The following WDR87 variants were observed in gnomAD, a reference collection of about 807,000 sequenced individuals.
WDR87 encodes WD repeat-containing protein 87.
WDR87 carries 56 observed loss-of-function variants against 83.3 expected under a neutral mutation model. The ratio of observed to expected loss-of-function variants is 0.67; its 90% confidence interval spans 0.54 to 0.84. WDR87 has a LOEUF of 0.84. WDR87 is among the 40% of genes least tolerant of loss of function. WDR87 has a pLI of 0.00. For missense variants in WDR87, 2,939 were observed against 3,431.9 expected, an observed-to-expected ratio of 0.86 and a Z score of 3.59; for synonymous variants, 1,173 against 1,250.6, an observed-to-expected ratio of 0.94 and a Z score of 1.31.
chr19:37,894,315 GC>G lies in WDR87; in HGVS notation c.1387del (p.Ala463LeufsTer11). 6.4e-7 allele frequency: 1 copy of G among 1,551,736 alleles called. No individual in the cohort carries two copies. Among genetic ancestry groups the G allele is most frequent in the Non-Finnish European group, 8.7e-7 (1 of 1,147,012 alleles). On this transcript the variant is annotated frameshift_variant, in exon 4 of 6. Transcript: ENST00000447313. LOFTEE classifies it high-confidence loss of function. Reference protein sequence around the residue: ...PNSQDFVQCLAYGHFNLGRGL... With the variant: ...PNSQDFVQCLXYGHFNLGRGL... ...CCGCCCCAAGTTGAAATGCCCATAA[GC>G]CAGGCATTGTACAAAGTCCTGAGAA...
In WDR87 at chr19:37,886,738, C is replaced by T; in HGVS notation, c.6933G>A (p.Glu2311=). The T allele has an allele frequency of 2.8e-6, 4 of 1,453,242 alleles. No homozygotes were observed. The highest frequency in any genetic ancestry group is 1.3e-5 in the South Asian group (1 of 76,174). The allele number at this position is 1,453,242 out of a possible 1,614,324, so 90.0% of individuals were successfully genotyped here. The change falls in exon 6 of 6, where the codon GAG becomes GAA. Residue 2311 remains glutamate, a synonymous_variant. Coordinates refer to ENST00000447313, the MANE Select transcript of WDR87 (RefSeq NM_001291088.2). ...EREEEEERKE[E]EEGEEKQVEK... is the part of the protein sequence containing the mutation. ...CCACTTGCTTCTCCTCCCCTTCCTC[C>T]TCCTCCTTCCTTTCCTCCTCCTCCT...
At position 37,884,961 on chromosome 19, in the gene WDR87, G is replaced by A. The variant is rs1304611582; in HGVS notation, c.8710C>T (p.Leu2904=). 3 of 1,351,562 alleles carry A rather than the reference G, an allele frequency of 2.2e-6. No homozygotes were observed. Among genetic ancestry groups the A allele is most frequent in the East Asian group, 5.5e-5 (2 of 36,286 alleles). The allele number at this position is 1,351,562 out of a possible 1,614,324, so 83.7% of individuals were successfully genotyped here. A position where few individuals can be genotyped will look rare whatever the true frequency, so the allele number is the denominator to read the frequency against. The change falls in exon 6 of 6, where the codon CTG becomes TTG. Residue 2904 remains leucine (L), a synonymous_variant. Transcript: ENST00000447313. ...PEADLHLTKA[L]THTVAPTL is the part of the protein sequence containing the mutation. ...AGAGTGGGAGCAACGGTGTGTGTCA[G>A]TGCCTTGGTGAGATGAAGATCAGCT...
At position 37,888,101 on chromosome 19, in the gene WDR87, C is replaced by G; in HGVS notation, c.5570G>C (p.Arg1857Thr). 2 of 1,551,918 alleles carry G rather than the reference C, an allele frequency of 1.3e-6. No individual in the cohort carries two copies. The highest frequency in any genetic ancestry group is 2.4e-5 in the South Asian group (2 of 84,052). The change falls in exon 6 of 6, where the codon AGA becomes ACA. Residue 1857 changes from arginine (R) to threonine (T), a missense_variant. Physicochemically the swap from Arg to Thr is moderately conservative, Grantham distance 71. Transcript: ENST00000447313. ...GAGTTCTTCCATGCTGTTGATCCAT[C>G]TTTCCCTTTTTTGGGCCAGTTTCAT... ...KKMKLAQKRE[R>T]WINSMEELTK... is the part of the protein sequence containing the mutation.
chr19:37,897,867 G>T (rs571750392), intron 2 of WDR87, among the ~76,000 whole-genome samples: 1 of 152,050 alleles, frequency 6.6e-6, no homozygotes, highest in African/African-American at 2.4e-5. Flanking sequence ...CAGCCTGGGC[G>T]ACAGAACGAG....
In WDR87 at chr19:37,895,061, A is replaced by C. The variant is rs750129018; in HGVS notation, c.642T>G (p.Cys214Trp). ...GCATAAGGACCCTCACCACCGTCTC[A>C]CACAGGGCCAGGAGGGAGCCACTGG... ...NGPSGSLLALCETVVRVLMHQ... is the reference protein window; with the variant it reads ...NGPSGSLLALWETVVRVLMHQ... Residue 214 changes from cysteine (C) to tryptophan (W), a missense_variant, in exon 4 of 6, where the codon TGT becomes TGG. By Grantham distance (215) the Cys-to-Trp change is radical (BLOSUM62 -2). Coordinates refer to ENST00000447313, the MANE Select transcript of WDR87 (RefSeq NM_001291088.2). The C allele has an allele frequency of 6.4e-7, 1 of 1,551,688 alleles. No individual in the cohort carries two copies. The highest frequency in any genetic ancestry group is 8.7e-7 in the Non-Finnish European group (1 of 1,146,976).
Position 37,894,105 on chromosome 19 carries a change from T to C in WDR87, c.1598A>G (p.Tyr533Cys), listed in dbSNP as rs2046232329. The C allele has an allele frequency of 3.2e-6, 5 of 1,552,202 alleles. No homozygotes were observed. The highest frequency in any genetic ancestry group is 1.4e-5 in the African/African-American group (1 of 73,030). Reference sequence around the variant, plus strand: ...AAGCACAGCTTCTGACAGGTGCACATAGTCATCCATTCCATAGGAACAGAG... The same window carrying C: ...AAGCACAGCTTCTGACAGGTGCACACAGTCATCCATTCCATAGGAACAGAG... ...SLLCSYGMDD[Y>C]VHLSEAVLDG... The change falls in exon 4 of 6, where the codon TAT becomes TGT. Residue 533 changes from tyrosine (Y) to cysteine (C), a missense_variant. This residue lies in a region of WDR87 where 553 missense variants were observed against 577.9 expected (regional missense o/e 0.96). Coordinates refer to ENST00000447313, the MANE Select transcript of WDR87 (RefSeq NM_001291088.2).
Position 37,888,229 on chromosome 19 carries a change from C to T in WDR87, c.5442G>A (p.Glu1814=). 6.4e-7 allele frequency: 1 copy of T among 1,552,028 alleles called. No homozygotes were observed. The part of the protein sequence containing the change: ...EEETKLAQEE[E]LLIQEKEKLA... The stretch of plus-strand genomic sequence containing the variant: ...GTTTCTCCTTTTCCTGGATCAGCAA[C>T]TCTTCTTCCTGGGCCAGTTTTGTCT... Residue 1814 remains glutamate, a synonymous_variant, in exon 6 of 6, where the codon GAG becomes GAA. Transcript: ENST00000447313.
chr19:37,892,917 A>G lies in WDR87; in HGVS notation c.2786T>C (p.Met929Thr). 16 of 1,552,150 alleles carry G rather than the reference A, an allele frequency of 1.0e-5. No individual in the cohort carries two copies. Among genetic ancestry groups the G allele is most frequent in the Non-Finnish European group, 1.3e-5 (15 of 1,147,080 alleles). Residue 929 changes from methionine to threonine, a missense_variant, in exon 4 of 6, where the codon ATG becomes ACG. Around this residue, in one of 3 missense-constraint regions of WDR87, gnomAD observed 2,160 missense variants for 2,533.1 expected, o/e 0.85. Coordinates refer to ENST00000447313, the MANE Select transcript of WDR87 (RefSeq NM_001291088.2). ...GTACTTCAGCAAGGAAGCATGGACC[A>G]TAATATTGAGCATTGTCTCAATCAT... Reference protein sequence around the residue: ...NSMIETMLNIMVHASLLKYQC... With the variant: ...NSMIETMLNITVHASLLKYQC...
Position 37,887,621 on chromosome 19 carries a change from A to C in WDR87, c.6050T>G (p.Val2017Gly). The C allele has an allele frequency of 6.4e-7, 1 of 1,551,564 alleles. No homozygotes were observed. Among genetic ancestry groups the C allele is most frequent in the Non-Finnish European group, 8.7e-7 (1 of 1,146,944 alleles). Residue 2017 changes from valine (V) to glycine (G), a missense_variant, in exon 6 of 6, where the codon GTT (valine) becomes GGT (glycine). Around this residue, in one of 3 missense-constraint regions of WDR87, gnomAD observed 2,160 missense variants for 2,533.1 expected, o/e 0.85. Transcript: ENST00000447313. The stretch of plus-strand genomic sequence containing the variant: ...CTTAGACAGTGTTTCTTTTCCCTCA[A>C]CCAGTCTCATCTTCTCCTCAGCCAG... ...KRLAEEKMRL[V>G]EGKETLSKGE...
At position 37,895,209 on chromosome 19, in the gene WDR87, A is replaced by G. The variant is rs145161629; in HGVS notation, c.494T>C (p.Leu165Pro). Residue 165 changes from leucine (L) to proline (P), a missense_variant, in exon 4 of 6, where the codon CTG becomes CCG. Around this residue, in one of 3 missense-constraint regions of WDR87, gnomAD observed 226 missense variants for 320.9 expected, o/e 0.70. Coordinates refer to ENST00000447313, the MANE Select transcript of WDR87 (RefSeq NM_001291088.2). ...CACCACTGCCCCCAGGATGCCAGAC[A>G]GAAGCATCTTCATTTCCGGGTCATA... The part of the protein sequence containing the change: ...LCYDPEMKML[L>P]SGILGAVVTW... The G allele has an allele frequency of 5.5e-5, 85 of 1,551,736 alleles. No individual in the cohort carries two copies. In the East Asian group the frequency reaches 2.1e-3, roughly 37 times the overall value.
chr19:37,892,964 C>G lies in WDR87; in HGVS notation c.2739G>C (p.Met913Ile). Residue 913 changes from methionine to isoleucine, a missense_variant, in exon 4 of 6, where the codon ATG (methionine) becomes ATC (isoleucine). Around this residue, in one of 3 missense-constraint regions of WDR87, gnomAD observed 2,160 missense variants for 2,533.1 expected, o/e 0.85. Transcript: ENST00000447313. ...TCATGCTATTAATGGTTATTTCACT[C>G]ATCTTTCTTCCCAGCCAACTTCGGT... ...GANRSWLGRK[M>I]SEITINSMIE... The G allele has an allele frequency of 6.4e-7, 1 of 1,552,006 alleles. No individual in the cohort carries two copies. Among genetic ancestry groups the G allele is most frequent in the South Asian group, 1.2e-5 (1 of 84,060 alleles).
In WDR87 at chr19:37,893,920, C is replaced by T; in HGVS notation, c.1783G>A (p.Gly595Ser). ...GGCAGTGTTTCTATGAATTTCAAGC[C>T]ATTCTGTGACCCAGAGGACAGAAAA... ...HDFLSSGSQNGLKFIETLPLH... is the reference protein window; with the variant it reads ...HDFLSSGSQNSLKFIETLPLH... The change falls in exon 4 of 6, where the codon GGC (glycine) becomes AGC (serine). Residue 595 changes from glycine to serine, a missense_variant. Transcript: ENST00000447313. 1 of 1,551,838 alleles carries T rather than the reference C, an allele frequency of 6.4e-7. No individual in the cohort carries two copies. Among genetic ancestry groups the T allele is most frequent in the South Asian group, 1.2e-5 (1 of 84,046 alleles).
chr19:37,885,040 G>A lies in WDR87; in HGVS notation c.8631C>T (p.Pro2877=), dbSNP rs762256315. ...PWQNCVRTIL[P]VGIARYGILE... ...AGATCCCATACCGGGCAATGCCCAC[G>A]GGAAGGATGGTGCGCACACAGTTCT... The change falls in exon 6 of 6, where the codon CCC becomes CCT. Residue 2877 remains proline, a synonymous_variant. Transcript: ENST00000447313. The A allele has an allele frequency of 6.9e-6, 10 of 1,450,780 alleles. No individual in the cohort carries two copies. The highest frequency in any genetic ancestry group is 4.3e-5 in the African/African-American group (3 of 69,872). The allele number at this position is 1,450,780 out of a possible 1,614,324, so 89.9% of individuals were successfully genotyped here.
At chr19:37,904,931 A>C (rs1394140020) in intron 1 of WDR87, among the ~76,000 whole-genome samples, 1 of 152,104 alleles carries the variant, frequency 6.6e-6, no homozygotes, top group Non-Finnish European at 1.5e-5. Context: ...ATTTGATTTT[A>C]ATTAACTTAA....
intron 3 of WDR87, 115 bp from the exon 4 acceptor site, chr19:37,895,571 C>T (rs2046248357): frequency 1.1e-6 from 1 of 886,604 alleles, no homozygotes; most frequent in Non-Finnish European, 1.7e-6. Flanking sequence ...AGTTCGAGAG[C>T]AGCCTGGCCA....
Position 37,894,097 on chromosome 19 carries a change from G to A in WDR87, c.1606C>T (p.Leu536=). Residue 536 remains leucine (L), a synonymous_variant, in exon 4 of 6, where the codon CTG becomes TTG. Coordinates refer to ENST00000447313, the MANE Select transcript of WDR87 (RefSeq NM_001291088.2). ...ACCCCATCAAGCACAGCTTCTGACA[G>A]GTGCACATAGTCATCCATTCCATAG... ...CSYGMDDYVH[L]SEAVLDGVKV... 1 of 1,552,322 alleles carries A rather than the reference G, an allele frequency of 6.4e-7. No individual in the cohort carries two copies.
rs181189285 is a variant in WDR87, at chr19:37,894,835, G to A, written c.868C>T (p.Arg290Cys). Residue 290 changes from arginine to cysteine, a missense_variant, in exon 4 of 6, where the codon CGC becomes TGC. By Grantham distance (180) the Arg-to-Cys change is radical (BLOSUM62 -3). This residue lies in a region of WDR87 where 553 missense variants were observed against 577.9 expected (regional missense o/e 0.96). Coordinates refer to ENST00000447313, the MANE Select transcript of WDR87 (RefSeq NM_001291088.2). ...AGGGTGTGGGCCTCTGGTCGGCTGC[G>A]GATACAGATCACTCCTGATTGATGG... ...QAHQSGVICI[R>C]SRPEAHTLLT... The A allele has an allele frequency of 4.3e-4, 674 of 1,551,678 alleles. 3 individuals carry two copies. The African/African-American group carries it at 8.1e-3, about 19-fold the overall frequency.
At chr19:37,897,208 T>TG (rs1304176736) in intron 2 of WDR87, among the ~76,000 whole-genome samples, 1 of 148,008 alleles carries the variant, frequency 6.8e-6, no homozygotes, top group African/African-American at 2.5e-5. Flanking sequence ...GATCCTGTTT[T>TG]TTTTTTTTTT....
chr19:37,885,119 G>C lies in WDR87; in HGVS notation c.8552C>G (p.Ser2851Cys). Reference protein sequence around the residue: ...RLFCCLFCGSSHTPRSPQEFQ... With the variant: ...RLFCCLFCGSCHTPRSPQEFQ... Reference sequence around the variant, plus strand: ...CTCCTGAGGACTTCTAGGAGTATGAGAACTGCCACAAAACAGGCAGCAGAA... The same window carrying C: ...CTCCTGAGGACTTCTAGGAGTATGACAACTGCCACAAAACAGGCAGCAGAA... The change falls in exon 6 of 6, where the codon TCT becomes TGT. Residue 2851 changes from serine (S) to cysteine (C), a missense_variant. Physicochemically the swap from Ser to Cys is moderately radical, Grantham distance 112. Around this residue, in one of 3 missense-constraint regions of WDR87, gnomAD observed 2,160 missense variants for 2,533.1 expected, o/e 0.85. Transcript: ENST00000447313. The C allele has an allele frequency of 6.8e-7, 1 of 1,463,280 alleles. No individual in the cohort carries two copies. Among genetic ancestry groups the C allele is most frequent in the Non-Finnish European group, 9.0e-7 (1 of 1,108,104 alleles). 90.6% of individuals were successfully genotyped at this position (1,463,280 alleles called of 1,614,324 possible). A position where few individuals can be genotyped will look rare whatever the true frequency, so the allele number is the denominator to read the frequency against.
Sources: gnomAD v4.1 joint callset for allele counts (sites outside exome capture counted in the v4.1 genomes callset) on GRCh38, gnomAD v4.1.1 for gene constraint, gnomAD v4.1.1 regional missense constraint, MANE v1.5 for transcripts, NCBI Gene and HGNC (gene_info 2026-07-23, HGNC 2026-07-21) for gene names.